Variants in MYRFL observed in about 807,000 individuals in gnomAD.
The protein encoded by MYRFL is myelin regulatory factor like.
MYRFL carries 88 observed loss-of-function variants against 109.4 expected under a neutral mutation model. The observed-to-expected ratio is 0.80, with a 90% CI of 0.68 to 0.96. MYRFL has a LOEUF of 0.96. Ranked by LOEUF, MYRFL falls within the 40% of genes least tolerant of loss-of-function variation. The pLI is 0.00. For synonymous variants in MYRFL, 324 were observed against 320.9 expected (o/e 1.01, Z -0.10); for missense variants, 957 against 954.9 (o/e 1.00, Z -0.03).
Position 69,910,881 on chromosome 12 carries a change from T to C in MYRFL, c.1553T>C (p.Val518Ala). 7 of 1,535,356 alleles carry C rather than the reference T, an allele frequency of 4.6e-6. No homozygotes were observed. Among genetic ancestry groups the C allele is most frequent in the Non-Finnish European group, 6.1e-6 (7 of 1,146,370 alleles). The change falls in exon 13 of 25, where the codon GTC becomes GCC. Residue 518 changes from valine (V) to alanine (A), a missense_variant. Transcript: ENST00000552032. Reference protein sequence around the residue: ...LPRAVREVGDVTCGNGETLEN... With the variant: ...LPRAVREVGDATCGNGETLEN... Reference sequence around the variant, plus strand: ...AGAGCAGTAAGAGAGGTTGGTGATGTCACCTGCGGAAACGGAGAGACCTTG... The same window carrying C: ...AGAGCAGTAAGAGAGGTTGGTGATGCCACCTGCGGAAACGGAGAGACCTTG...
chr12:69,888,377 A>C (rs1267096810), intron 6 of MYRFL, among the ~76,000 whole-genome samples: 1 of 152,238 alleles, frequency 6.6e-6, no homozygotes, highest in Non-Finnish European at 1.5e-5. Flanking sequence ...TTATATAGTT[A>C]GGTCTAATTT....
In MYRFL at chr12:69,897,230, A is replaced by G. The variant is rs1254574416; in HGVS notation, c.1166A>G (p.Glu389Gly). ...TATCTGTTGTCTGCCCACATCTCTGAAAGGATCATTGTAAGGGTAAGCTCA... is the reference window on the plus strand; with the variant it reads ...TATCTGTTGTCTGCCCACATCTCTGGAAGGATCATTGTAAGGGTAAGCTCA... The part of the protein sequence containing the change: ...QFYLLSAHIS[E>G]RIIVRASNPG... The change falls in exon 10 of 25, where the codon GAA becomes GGA. Residue 389 changes from glutamate (E) to glycine (G), a missense_variant. Glu to Gly is a moderately conservative substitution (Grantham distance 98). Coordinates refer to ENST00000552032, the MANE Select transcript of MYRFL (RefSeq NM_182530.3). The G allele has an allele frequency of 6.5e-7, 1 of 1,535,592 alleles. No homozygotes were observed. The highest frequency in any genetic ancestry group is 1.4e-5 in the African/African-American group (1 of 73,014).
At chr12:69,839,291 T>A (rs1883115574) in intron 1 of MYRFL, among the ~76,000 whole-genome samples, 1 of 152,118 alleles carries the variant, frequency 6.6e-6, no homozygotes, top group Non-Finnish European at 1.5e-5. Flanking sequence ...TCATCTCAAT[T>A]TCCCCCTCTC....
At chr12:69,830,421 T>C (rs868414404) in intron 1 of MYRFL, among the ~76,000 whole-genome samples, 5 of 150,538 alleles carry the variant, frequency 3.3e-5, no homozygotes, top group African/African-American at 1.2e-4. Context: ...GGATATAGTT[T>C]CTATATATAT....
At chr12:69,885,395 G>C (rs1886385806) in intron 5 of MYRFL, among the ~76,000 whole-genome samples, 1 of 152,088 alleles carries the variant, frequency 6.6e-6, no homozygotes, top group Non-Finnish European at 1.5e-5. Flanking sequence ...CTCAATGGAA[G>C]TATAAAGAAA....
intron 1 of MYRFL, among the ~76,000 whole-genome samples, chr12:69,829,469 G>A (rs192486271): frequency 1.3e-5 from 2 of 152,116 alleles, no homozygotes; most frequent in Admixed American, 1.3e-4. Context: ...AGGGCTTCAG[G>A]GAGGTTAAGC....
intron 13 of MYRFL, among the ~76,000 whole-genome samples, chr12:69,921,555 A>G (rs917030232): frequency 6.6e-6 from 1 of 152,212 alleles, no homozygotes; most frequent in Admixed American, 6.5e-5. Context: ...CAGAACTCCA[A>G]ATATTTCAGT....
chr12:69,865,777 C>G (rs1884984678), intron 2 of MYRFL, among the ~76,000 whole-genome samples: 2 of 152,126 alleles, frequency 1.3e-5, no homozygotes, highest in African/African-American at 4.8e-5. Flanking sequence ...TTCCCCCTTG[C>G]TATTGAGATT....
At chr12:69,889,604 C>A (rs367879209) in intron 6 of MYRFL, among the ~76,000 whole-genome samples, 2 of 152,246 alleles carry the variant, frequency 1.3e-5, no homozygotes, top group South Asian at 4.1e-4. Flanking sequence ...CCTGTAATCC[C>A]AGCACTCTGG....
chr12:69,858,012 C>A lies in MYRFL; in HGVS notation c.137+2642C>A, dbSNP rs192217644. 3.3e-5 allele frequency among the ~76,000 whole-genome samples: 5 copies of A among 151,328 alleles called. No homozygotes were observed. The East Asian group carries it at 9.7e-4, about 29-fold the overall frequency. ...AGTGATACTTTTTTTTTAACCATGC[C>A]CTTTATTTGCTTAAGGAGGTTCTCT... On this transcript the variant is annotated intron_variant, in intron 2 of 24. Coordinates refer to ENST00000552032, the MANE Select transcript of MYRFL (RefSeq NM_182530.3).
chr12:69,933,210 G>T (rs896755991), intron 16 of MYRFL, among the ~76,000 whole-genome samples: 6 of 152,166 alleles, frequency 3.9e-5, no homozygotes, highest in Admixed American at 2.6e-4. Flanking sequence ...TCTGCAGCCC[G>T]CAAAGGCGGG....
chr12:69,879,507 G>T, intron 4 of MYRFL, 54 bp downstream of exon 4: 1 of 661,684 alleles, frequency 1.5e-6, no homozygotes, highest in Non-Finnish European at 2.8e-6. Context: ...CCTCGGAGCA[G>T]CCTGCCTCTG....
At chr12:69,905,253 C>G (rs1303190035) in intron 11 of MYRFL, among the ~76,000 whole-genome samples, 3 of 152,188 alleles carry the variant, frequency 2.0e-5, no homozygotes, top group Non-Finnish European at 4.4e-5. Flanking sequence ...CCTGTACAAC[C>G]CTTCCTGCTA....
At chr12:69,937,496 C>T (rs907419101) in intron 19 of MYRFL, among the ~76,000 whole-genome samples, 2 of 152,098 alleles carry the variant, frequency 1.3e-5, no homozygotes, top group Non-Finnish European at 2.9e-5. Flanking sequence ...ATTTAAAGTC[C>T]AGCTGATGAA....
At chr12:69,930,456 T>C (rs1467823575) in intron 15 of MYRFL, among the ~76,000 whole-genome samples, 2 of 151,936 alleles carry the variant, frequency 1.3e-5, no homozygotes, top group Non-Finnish European at 2.9e-5. Flanking sequence ...GGACTCAGGA[T>C]GAGATAGGAA....
chr12:69,956,902 T>G (rs1473550468), intron 22 of MYRFL, among the ~76,000 whole-genome samples: 1 of 152,218 alleles, frequency 6.6e-6, no homozygotes, highest in Non-Finnish European at 1.5e-5. Context: ...AATAACATTT[T>G]CTTATTCATC....
chr12:69,942,682 C>A (rs968782554), intron 19 of MYRFL, among the ~76,000 whole-genome samples: 5 of 151,692 alleles, frequency 3.3e-5, no homozygotes, highest in African/African-American at 1.2e-4. Context: ...GAAGTTCTGG[C>A]CAGGGCAATT....
At chr12:69,958,175 T>G (rs1956135814) in intron 23 of MYRFL, 74 bp from the exon 24 acceptor site, 1 of 1,342,062 alleles carries the variant, frequency 7.5e-7, no homozygotes, top group African/African-American at 1.5e-5. Context: ...AGGAAATGCT[T>G]TTTCAGCCTG....
chr12:69,911,413 A>G (rs1390475977), intron 13 of MYRFL, among the ~76,000 whole-genome samples: 1 of 152,228 alleles, frequency 6.6e-6, no homozygotes, highest in African/African-American at 2.4e-5. Flanking sequence ...TTTTGAGCAT[A>G]GTTTTTTTGA....
Sources: gnomAD v4.1 joint callset for allele counts (sites outside exome capture counted in the v4.1 genomes callset) on GRCh38, gnomAD v4.1.1 for gene constraint, MANE v1.5 for transcripts, NCBI Gene and HGNC (gene_info 2026-07-23, HGNC 2026-07-21) for gene names.